BCAS3: variants seen among roughly 807,000 people sequenced by gnomAD.
BCAS3 encodes BCAS3 microtubule associated cell migration factor.
In BCAS3, 53 loss-of-function variants were observed where a neutral mutation model predicts 116.1. The ratio of observed to expected loss-of-function variants is 0.46; its 90% CI spans 0.37 to 0.57. BCAS3 has a LOEUF of 0.57. BCAS3 is among the 20% of genes least tolerant of loss of function. BCAS3 has a pLI of 0.00. For missense variants in BCAS3, 917 were observed against 1,165.4 expected, an observed-to-expected ratio of 0.79 and a Z score of 3.10; for synonymous variants, 391 against 408.2, an observed-to-expected ratio of 0.96 and a Z score of 0.51.
rs2056962260 is a variant in BCAS3, at chr17:61,339,196, T to C, written c.2426-29131T>C. ...TCTTCCCAGCTCTCGGCTTCAACCC[T>C]GATTCTGACAGTGGCAGGCGCCACT... is the stretch of plus-strand genomic sequence containing the variant. On this transcript the variant is annotated intron_variant, in intron 22 of 23. Transcript: ENST00000407086. This position sits in a 1 kb window ranked among gnomAD's most constrained non-coding sequence, Gnocchi z 4.4. 6.6e-6 allele frequency among the ~76,000 whole-genome samples: 1 copy of C among 152,216 alleles called. No individual in the cohort carries two copies. Among genetic ancestry groups the C allele is most frequent in the Non-Finnish European group, 1.5e-5 (1 of 68,040 alleles).
intron 22 of BCAS3, among the ~76,000 whole-genome samples, chr17:61,291,909 A>G (rs1410292768): frequency 6.6e-6 from 1 of 152,270 alleles, no homozygotes; most frequent in East Asian, 1.9e-4. Flanking sequence ...TAGAAAATAT[A>G]AGGCATGTAG....
chr17:61,043,677 A>G (rs905737348), intron 19 of BCAS3, among the ~76,000 whole-genome samples: 1 of 151,916 alleles, frequency 6.6e-6, no homozygotes, highest in Non-Finnish European at 1.5e-5. Flanking sequence ...TGTGTGCGAG[A>G]GTGCCCTGCA....
At chr17:61,340,798 C>T (rs2057093446) in intron 22 of BCAS3, among the ~76,000 whole-genome samples, 1 of 152,010 alleles carries the variant, frequency 6.6e-6, no homozygotes, top group South Asian at 2.1e-4. Context: ...GAAAAGCAGG[C>T]GGGATCAATG....
intron 6 of BCAS3, among the ~76,000 whole-genome samples, chr17:60,760,439 C>T (rs1359528287): frequency 2.0e-5 from 3 of 151,226 alleles, no homozygotes; most frequent in Non-Finnish European, 4.4e-5. Flanking sequence ...TTTATTTCTC[C>T]TTCATTCATG....
chr17:60,743,524 AT>A (rs1487134696), intron 5 of BCAS3, among the ~76,000 whole-genome samples: 2 of 151,802 alleles, frequency 1.3e-5, no homozygotes, highest in African/African-American at 4.8e-5. Flanking sequence ...AAAAAAAAAA[AT>A]CATTTGTGGA....
intron 22 of BCAS3, among the ~76,000 whole-genome samples, chr17:61,133,447 A>G (rs1202070801): frequency 2.0e-5 from 3 of 152,200 alleles, no homozygotes; most frequent in East Asian, 3.8e-4. Context: ...CTACCAAGAG[A>G]CAAAGATTTA....
At chr17:60,756,478 A>G (rs1466652208) in intron 6 of BCAS3, among the ~76,000 whole-genome samples, 1 of 152,092 alleles carries the variant, frequency 6.6e-6, no homozygotes, top group Admixed American at 6.5e-5. Context: ...CTCTGTCTCC[A>G]TGAGATCAGT....
chr17:60,702,824 C>A (rs944870115), intron 4 of BCAS3, among the ~76,000 whole-genome samples: 1 of 151,840 alleles, frequency 6.6e-6, no homozygotes, highest in Non-Finnish European at 1.5e-5. Flanking sequence ...CTCCTGAGCT[C>A]AAGTGATCCG....
intron 19 of BCAS3, among the ~76,000 whole-genome samples, chr17:61,057,215 C>A (rs2069474899): frequency 1.3e-5 from 2 of 152,112 alleles, no homozygotes; most frequent in African/African-American, 4.8e-5. Flanking sequence ...GTGTGTTCTA[C>A]CCTCTCCTGA....
rs528682190 is a variant in BCAS3 at position 61,366,763 on chromosome 17, T to C, written c.2426-1564T>C. On this transcript the variant is annotated intron_variant, in intron 22 of 23. Coordinates refer to ENST00000407086, the MANE Select transcript of BCAS3 (RefSeq NM_017679.5). This position sits in a 1 kb window ranked among gnomAD's most constrained non-coding sequence, Gnocchi z 4.5. ...GAGATGCCCTTATAGATGCTGCCCA[T>C]TCTCCCAGTGCCAGGAATCTTCCCT... 6.6e-6 allele frequency among the ~76,000 whole-genome samples: 1 copy of C among 152,312 alleles called. No homozygotes were observed. The highest frequency in any genetic ancestry group is 1.9e-4 in the East Asian group (1 of 5,182).
intron 7 of BCAS3, among the ~76,000 whole-genome samples, chr17:60,823,059 CT>C (rs1480822869): frequency 3.3e-5 from 5 of 152,260 alleles, no homozygotes; most frequent in African/African-American, 1.2e-4. Context: ...TGATTATTCA[CT>C]TGAGCCAGTA....
chr17:60,707,221 G>C (rs967548045), intron 4 of BCAS3, among the ~76,000 whole-genome samples: 5 of 151,986 alleles, frequency 3.3e-5, no homozygotes, highest in Admixed American at 6.6e-5. Flanking sequence ...TCGAATTCCC[G>C]ACCTCAGGTG....
intron 22 of BCAS3, among the ~76,000 whole-genome samples, chr17:61,293,014 G>A (rs942943552): frequency 2.6e-5 from 4 of 152,156 alleles, no homozygotes; most frequent in Non-Finnish European, 4.4e-5. Context: ...TTCTTGACAA[G>A]TGTATCATTT....
In BCAS3 at chr17:60,995,960, G is replaced by T. The variant is rs1023615940; in HGVS notation, c.1486+5725G>T. Among the ~76,000 whole-genome samples, 1 of 152,128 alleles carries T rather than the reference G, an allele frequency of 6.6e-6. No homozygotes were observed. The highest frequency in any genetic ancestry group is 6.5e-5 in the Admixed American group (1 of 15,270). ...GATGATGACATCTGAGCAAAGATCTGGTGGAAGTAAGAGAGAAATTCATAT... is the reference window on the plus strand; with the variant it reads ...GATGATGACATCTGAGCAAAGATCTTGTGGAAGTAAGAGAGAAATTCATAT... On this transcript the variant is annotated intron_variant, in intron 15 of 23. Coordinates refer to ENST00000407086, the MANE Select transcript of BCAS3 (RefSeq NM_017679.5). This position sits in a 1 kb window ranked among gnomAD's most constrained non-coding sequence, Gnocchi z 4.7.
intron 7 of BCAS3, among the ~76,000 whole-genome samples, chr17:60,814,843 G>A (rs1159161492): frequency 2.2e-4 from 34 of 152,098 alleles, no homozygotes; most frequent in Admixed American, 2.1e-3. Context: ...TTAGAAAATT[G>A]TGGTCACTAA....
rs574578531 is a variant in BCAS3, at chr17:61,141,474, C to G, written c.2425+56910C>G. On this transcript the variant is annotated intron_variant, in intron 22 of 23. Transcript: ENST00000407086. This position sits in a 1 kb window ranked among gnomAD's most constrained non-coding sequence, Gnocchi z 4.3. ...TTGGGAGGCTGAGGTGGAAGGATTCCTTGAGTCCAGGAGTTCGAGACTGCA... is the reference window on the plus strand; with the variant it reads ...TTGGGAGGCTGAGGTGGAAGGATTCGTTGAGTCCAGGAGTTCGAGACTGCA... Among the ~76,000 whole-genome samples, 10 of 152,246 alleles carry G rather than the reference C, an allele frequency of 6.6e-5. No individual in the cohort carries two copies. In the East Asian group the frequency reaches 1.9e-3, roughly 29 times the overall value.
Position 61,344,948 on chromosome 17 carries a change from C to T in BCAS3, c.2426-23379C>T, listed in dbSNP as rs572001998. On this transcript the variant is annotated intron_variant, in intron 22 of 23. Coordinates refer to ENST00000407086, the MANE Select transcript of BCAS3 (RefSeq NM_017679.5). The surrounding 1 kb of genome is among the most constrained non-coding windows in gnomAD (Gnocchi z 4.1). Reference sequence around the variant, plus strand: ...ACACACACACATACACACACACACACGCACACCCCTCACAGAAAAATAGCC... The same window carrying T: ...ACACACACACATACACACACACACATGCACACCCCTCACAGAAAAATAGCC... Among the ~76,000 whole-genome samples the T allele has an allele frequency of 1.8e-4, 28 of 152,152 alleles. No homozygotes were observed. The highest frequency in any genetic ancestry group is 1.7e-3 in the South Asian group (8 of 4,812).
chr17:61,364,065 G>A lies in BCAS3; in HGVS notation c.2426-4262G>A, dbSNP rs562336952. On this transcript the variant is annotated intron_variant, in intron 22 of 23. Coordinates refer to ENST00000407086, the MANE Select transcript of BCAS3 (RefSeq NM_017679.5). The surrounding 1 kb of genome is among the most constrained non-coding windows in gnomAD (Gnocchi z 5.4). ...GAGGTGTGGAAGGGAAAGAGACAGC[G>A]GGTATGGCAGAGCCTCTGATGGGAC... 4.6e-5 allele frequency among the ~76,000 whole-genome samples: 7 copies of A among 152,264 alleles called. No individual in the cohort carries two copies. The highest frequency in any genetic ancestry group is 2.1e-4 in the South Asian group (1 of 4,828).
chr17:60,771,692 C>G (rs561517663), intron 6 of BCAS3, among the ~76,000 whole-genome samples: 2 of 152,234 alleles, frequency 1.3e-5, no homozygotes, highest in South Asian at 4.1e-4. Context: ...CTAATGCTAT[C>G]CCTCCCCTGT....
Sources: allele counts gnomAD v4.1 joint callset (sites outside exome capture counted in the v4.1 genomes callset), GRCh38; gene constraint gnomAD v4.1.1; non-coding constraint Gnocchi (gnomAD v3.1); transcripts MANE v1.5; gene names NCBI Gene and HGNC (gene_info 2026-07-23, HGNC 2026-07-21).